Variants in ERG observed in about 807,000 individuals in gnomAD.
ERG encodes ETS transcription factor ERG.
A neutral mutation model predicts 55.3 loss-of-function variants in ERG; 9 were observed. That is an observed-to-expected ratio of 0.16 (90% CI 0.10 to 0.28). The LOEUF is 0.28. Ranked by LOEUF, ERG falls within the 10% of genes least tolerant of loss-of-function variation. ERG has a pLI of 1.00. For missense variants in ERG, 434 were observed against 631.6 expected, an observed-to-expected ratio of 0.69 and a Z score of 3.35; for synonymous variants, 223 against 237.3, an observed-to-expected ratio of 0.94 and a Z score of 0.55.
chr21:38,509,302 C>T (rs1226683391), intron 2 of ERG, among the ~76,000 whole-genome samples: 2 of 152,194 alleles, frequency 1.3e-5, no homozygotes, highest in Non-Finnish European at 2.9e-5. Context: ...GATCATTCAT[C>T]CATTCATCAA....
At chr21:38,579,569 G>A (rs1159318792) in intron 1 of ERG, among the ~76,000 whole-genome samples, 1 of 152,172 alleles carries the variant, frequency 6.6e-6, no homozygotes, top group Non-Finnish European at 1.5e-5. Context: ...GAGGACTGGA[G>A]GAAAGAGGGT....
intron 2 of ERG, among the ~76,000 whole-genome samples, chr21:38,534,273 G>A (rs1427278893): frequency 6.6e-6 from 1 of 152,062 alleles, no homozygotes; most frequent in Non-Finnish European, 1.5e-5. Flanking sequence ...AACAATTTGT[G>A]ATTTTTTTTA....
chr21:38,542,500 T>C (rs1288562066), intron 2 of ERG, among the ~76,000 whole-genome samples: 1 of 152,234 alleles, frequency 6.6e-6, no homozygotes, highest in African/African-American at 2.4e-5. Flanking sequence ...TAAATGTGTT[T>C]ATATCAGTTG....
chr21:38,384,834 G>GAA (rs768892765), intron 9 of ERG, among the ~76,000 whole-genome samples: 3,943 of 126,420 alleles, frequency 0.031, 166 homozygotes, highest in African/African-American at 0.1. Context: ...GGAAGTTTAG[G>GAA]AAAAAAAAAA....
intron 2 of ERG, among the ~76,000 whole-genome samples, chr21:38,550,897 T>C (rs2059820052): frequency 1.3e-5 from 2 of 152,128 alleles, no homozygotes; most frequent in Non-Finnish European, 2.9e-5. Context: ...TGACAGACGA[T>C]TAATGGATTG....
intron 1 of ERG, among the ~76,000 whole-genome samples, chr21:38,609,694 A>G (rs1405724364): frequency 1.3e-5 from 2 of 152,274 alleles, no homozygotes; most frequent in Non-Finnish European, 2.9e-5. Flanking sequence ...GTGCAGGTGC[A>G]CATGCATATG....
At chr21:38,514,170 A>G (rs564586874) in intron 2 of ERG, among the ~76,000 whole-genome samples, 13 of 151,974 alleles carry the variant, frequency 8.6e-5, no homozygotes, top group Middle Eastern at 3.4e-3. Flanking sequence ...AAAAATAAAA[A>G]AAAGAAAGAA....
At chr21:38,532,880 A>C (rs1248038456) in intron 2 of ERG, among the ~76,000 whole-genome samples, 1 of 152,190 alleles carries the variant, frequency 6.6e-6, no homozygotes, top group Non-Finnish European at 1.5e-5. Context: ...ATGTCCATTG[A>C]CCCAACAAGC....
rs145661939 is a variant in ERG at position 38,398,337 on chromosome 21, G to C, written c.745+2237C>G. ...TTCTTATCTCCAAGTTCAAGTCCCT[G>C]AATAGGGCCTACAGTAAATAGTCCT... On this transcript the variant is annotated intron_variant, in intron 6 of 9. Coordinates refer to ENST00000288319, the MANE Select transcript of ERG (RefSeq NM_182918.4). Among the ~76,000 whole-genome samples the C allele has an allele frequency of 2.2e-3, 339 of 152,282 alleles. 1 individual carries two copies. Among genetic ancestry groups the C allele is most frequent in the African/African-American group, 7.6e-3 (317 of 41,548 alleles).
At chr21:38,400,379 C>A (rs1374903026) in intron 6 of ERG, 195 bp downstream of exon 6, 4 of 697,076 alleles carry the variant, frequency 5.7e-6, no homozygotes, top group Non-Finnish European at 1.1e-5. Context: ...GCTCTTAATT[C>A]CTTTAGTGTG....
chr21:38,634,533 C>A (rs2060376710), intron 1 of ERG, among the ~76,000 whole-genome samples: 1 of 151,764 alleles, frequency 6.6e-6, no homozygotes, highest in Non-Finnish European at 1.5e-5. Flanking sequence ...ACCTCTCCTC[C>A]AACCAAAAAC....
intron 3 of ERG, among the ~76,000 whole-genome samples, chr21:38,408,673 G>T (rs573374957): frequency 6.6e-6 from 1 of 152,260 alleles, no homozygotes; most frequent in South Asian, 2.1e-4. Context: ...AGTCTCTCTA[G>T]TCTCCTCCAC....
intron 3 of ERG, among the ~76,000 whole-genome samples, chr21:38,407,836 C>A: frequency 6.9e-6 from 1 of 145,062 alleles, no homozygotes; most frequent in African/African-American, 2.5e-5. Context: ...AAAAATAAAA[C>A]TACTAAAATA....
chr21:38,619,447 T>C (rs1164166990), intron 1 of ERG, among the ~76,000 whole-genome samples: 5 of 152,078 alleles, frequency 3.3e-5, no homozygotes, highest in Admixed American at 3.3e-4. Flanking sequence ...ACTGTGATCC[T>C]AGCCTGCTTC....
At chr21:38,481,857 C>T (rs1329870525) in intron 1 of ERG, among the ~76,000 whole-genome samples, 5 of 152,178 alleles carry the variant, frequency 3.3e-5, no homozygotes, top group Non-Finnish European at 7.3e-5. Flanking sequence ...AATGAATAGT[C>T]CCTATCATAG....
intron 9 of ERG, among the ~76,000 whole-genome samples, chr21:38,387,542 G>C (rs1477434683): frequency 1.3e-5 from 2 of 152,198 alleles, no homozygotes; most frequent in African/African-American, 4.8e-5. Flanking sequence ...TCTGTAAAGT[G>C]GGGGTGATGG....
chr21:38,563,629 T>C (rs1348926082), intron 2 of ERG, among the ~76,000 whole-genome samples: 2 of 152,226 alleles, frequency 1.3e-5, no homozygotes, highest in African/African-American at 4.8e-5. Context: ...TACAACAAAG[T>C]CCCTGAATCA....
chr21:38,526,780 T>C (rs377007869), intron 2 of ERG, among the ~76,000 whole-genome samples: 1 of 152,204 alleles, frequency 6.6e-6, no homozygotes, highest in Non-Finnish European at 1.5e-5. Flanking sequence ...ATAAAAATGT[T>C]ACCGTTTAAA....
chr21:38,611,725 TTGTC>T (rs548762602), intron 1 of ERG, among the ~76,000 whole-genome samples: 46 of 152,264 alleles, frequency 3.0e-4, no homozygotes, highest in Admixed American at 1.9e-3. Context: ...ATTTGTCTTA[TTGTC>T]TGTCTGTCTC....
Sources: gnomAD v4.1 joint callset for allele counts (sites outside exome capture counted in the v4.1 genomes callset) on GRCh38, gnomAD v4.1.1 for gene constraint, MANE v1.5 for transcripts, NCBI Gene and HGNC (gene_info 2026-07-23, HGNC 2026-07-21) for gene names.